MTFR1: variants seen among roughly 807,000 people sequenced by gnomAD.
The protein encoded by MTFR1 is mitochondrial fission regulator 1.
Under a neutral mutation model 38.8 loss-of-function variants are expected in MTFR1, and 28 were observed. That is an observed-to-expected ratio of 0.72 (90% CI 0.53 to 0.99). The LOEUF (loss-of-function observed/expected upper bound fraction) is 0.99, where lower values mean the gene tolerates loss of function less well. Ranked by LOEUF, MTFR1 falls within the 50% of genes least tolerant of loss-of-function variation. The probability of loss-of-function intolerance (pLI) is 0.00; values close to 1 mark genes in which losing one functional copy is unlikely to be tolerated. For missense variants in MTFR1, 358 were observed against 395.5 expected (o/e 0.91, Z 0.81); for synonymous variants, 145 against 137.0 (o/e 1.06, Z -0.41).
intron 3 of MTFR1, among the ~76,000 whole-genome samples, chr8:65,725,125 A>G (rs1806559156): frequency 6.6e-6 from 1 of 152,156 alleles, no homozygotes; most frequent in African/African-American, 2.4e-5. Flanking sequence ...TAAAACCAAG[A>G]GTTTGTAGGA....
chr8:65,728,701 G>A (rs1398774661), intron 3 of MTFR1: 2 of 152,162 alleles, frequency 1.3e-5, no homozygotes, highest in Admixed American at 6.5e-5. Flanking sequence ...GGGCATGGGT[G>A]TCTATGTCTT....
chr8:65,760,133 G>A (rs575816895), intron 3 of MTFR1, among the ~76,000 whole-genome samples: 7 of 152,088 alleles, frequency 4.6e-5, no homozygotes, highest in African/African-American at 1.7e-4. Flanking sequence ...CCAGCTACTT[G>A]AGAGGCTGAA....
intron 3 of MTFR1, among the ~76,000 whole-genome samples, chr8:65,759,843 C>T (rs1187654805): frequency 6.6e-6 from 1 of 152,038 alleles, no homozygotes; most frequent in Non-Finnish European, 1.5e-5. Context: ...TGTTAACACC[C>T]CACCCTGGTA....
At chr8:65,719,757 C>G (rs1806296251) in intron 3 of MTFR1, 2 of 451,830 alleles carry the variant, frequency 4.4e-6, no homozygotes, top group Non-Finnish European at 8.1e-6. Context: ...TTATCCTTCT[C>G]AGTGGCACAA....
At chr8:65,743,430 T>C (rs1178479018) in intron 3 of MTFR1, among the ~76,000 whole-genome samples, 3 of 151,928 alleles carry the variant, frequency 2.0e-5, no homozygotes, top group South Asian at 2.1e-4. Flanking sequence ...AGAAGAGAGA[T>C]AGCGAAGGGG....
At chr8:65,710,847 G>GTTTC (rs1338246561), downstream of MTFR1, among the ~76,000 whole-genome samples, 2 of 152,080 alleles carry the variant, frequency 1.3e-5, no homozygotes, top group African/African-American at 4.8e-5. Flanking sequence ...ACGTCATTCA[G>GTTTC]TTTCTAGTTC....
intron 3 of MTFR1, chr8:65,747,873 C>T: frequency 2.3e-6 from 2 of 885,794 alleles, no homozygotes; most frequent in Non-Finnish European, 1.7e-6. Flanking sequence ...TGCAATACCA[C>T]TTTTAGTTAT....
At chr8:65,671,619 A>G (rs1406136977) in intron 2 of MTFR1, among the ~76,000 whole-genome samples, 1 of 152,034 alleles carries the variant, frequency 6.6e-6, no homozygotes, top group East Asian at 1.9e-4. Context: ...AATGACAGCA[A>G]AAGTTTCTTT....
At chr8:65,720,803 C>T (rs1046562846) in intron 3 of MTFR1, among the ~76,000 whole-genome samples, 5 of 152,206 alleles carry the variant, frequency 3.3e-5, no homozygotes, top group African/African-American at 9.7e-5. Flanking sequence ...AAGCACACAG[C>T]GGCTTTCTGG....
At chr8:65,671,937 T>G (rs953614271) in intron 2 of MTFR1, among the ~76,000 whole-genome samples, 3 of 152,094 alleles carry the variant, frequency 2.0e-5, no homozygotes, top group African/African-American at 7.2e-5. Flanking sequence ...TTTCTTAGAT[T>G]TTTGCTGTTA....
chr8:65,644,059 T>C (rs2129045910), upstream of MTFR1, among the ~76,000 whole-genome samples: 1 of 152,302 alleles, frequency 6.6e-6, no homozygotes, highest in East Asian at 1.9e-4. Flanking sequence ...CATAGGAATC[T>C]TTCATCACGC....
intron 4 of MTFR1, among the ~76,000 whole-genome samples, chr8:65,703,263 A>G (rs1326543280): frequency 2.6e-5 from 4 of 151,734 alleles, no homozygotes; most frequent in Non-Finnish European, 5.9e-5. Flanking sequence ...GCACGCACCT[A>G]TAGTCCTAGC....
At chr8:65,647,047 G>T (rs1389723971) in intron 1 of MTFR1, among the ~76,000 whole-genome samples, 1 of 152,206 alleles carries the variant, frequency 6.6e-6, no homozygotes, top group East Asian at 1.9e-4. Context: ...GAACTTGAGT[G>T]CCACTTAAAG....
chr8:65,778,471 G>C, the MTFR1 span, among the ~76,000 whole-genome samples: 1 of 152,158 alleles, frequency 6.6e-6, no homozygotes, highest in Non-Finnish European at 1.5e-5. Flanking sequence ...TTTTTAAGCT[G>C]TCTGAACCAT....
chr8:65,663,182 A>G (rs1004868906), intron 1 of MTFR1, among the ~76,000 whole-genome samples: 1 of 152,188 alleles, frequency 6.6e-6, no homozygotes, highest in Non-Finnish European at 1.5e-5. Context: ...TTTGTTCTAT[A>G]CTAAGAAAAA....
At chr8:65,652,360 G>C (rs1426561510) in intron 1 of MTFR1, among the ~76,000 whole-genome samples, 1 of 152,032 alleles carries the variant, frequency 6.6e-6, no homozygotes, top group Non-Finnish European at 1.5e-5. Flanking sequence ...ACCTCCCAAA[G>C]TGCTGGGATT....
chr8:65,737,403 T>C (rs1807186802), intron 3 of MTFR1, among the ~76,000 whole-genome samples: 1 of 152,272 alleles, frequency 6.6e-6, no homozygotes, highest in African/African-American at 2.4e-5. Flanking sequence ...ACTATATTAA[T>C]TATAAACTTG....
chr8:65,668,522 T>TTCC (rs1804462793), intron 1 of MTFR1, among the ~76,000 whole-genome samples: 6 of 110,564 alleles, frequency 5.4e-5, no homozygotes. Flanking sequence ...GTTTTTCTTT[T>TTCC]TTCTTTTTTT....
chr8:65,754,704 C>T (rs1466380295), intron 3 of MTFR1, among the ~76,000 whole-genome samples: 2 of 150,100 alleles, frequency 1.3e-5, no homozygotes, highest in Non-Finnish European at 1.5e-5. Flanking sequence ...CAGTGGCTCA[C>T]GCCTGTAATC....
Sources: gnomAD v4.1 joint callset for allele counts (sites outside exome capture counted in the v4.1 genomes callset) on GRCh38, gnomAD v4.1.1 for gene constraint, MANE v1.5 for transcripts, NCBI Gene and HGNC (gene_info 2026-07-23, HGNC 2026-07-21) for gene names.